Variants in OFD1 observed in about 807,000 individuals in gnomAD.
OFD1 encodes the protein centriole and centriolar satellite protein OFD1.
OFD1 carries 12 observed loss-of-function variants against 81.4 expected under a neutral mutation model. That is an observed-to-expected ratio of 0.15 (90% confidence interval 0.09 to 0.24). The LOEUF is 0.24. Among genes scored for constraint, OFD1 ranks in the 10% least tolerant of loss-of-function variants. OFD1 has a pLI of 1.00. For missense variants in OFD1, 685 were observed against 733.9 expected, an observed-to-expected ratio of 0.93 and a Z score of 0.77; for synonymous variants, 256 against 263.7, an observed-to-expected ratio of 0.97 and a Z score of 0.28.
intron 12 of OFD1, among the ~76,000 whole-genome samples, chrX:13,755,946 C>CTTTTTTTTTTT (rs34300430): frequency 3.1e-5 from 2 of 65,095 alleles, no homozygotes; most frequent in Non-Finnish European, 5.3e-5. Context: ...CTTTCTTTCC[C>CTTTTTTTTTTT]TTTTTTTTTT....
chrX:13,718,798 A>G, the OFD1 span, among the ~76,000 whole-genome samples: 7 of 112,046 alleles, frequency 6.2e-5, no homozygotes, highest in African/African-American at 2.3e-4. Flanking sequence ...GAAACATAGC[A>G]AACTTGTCAG....
the OFD1 span, among the ~76,000 whole-genome samples, chrX:13,718,130 A>T: frequency 1.8e-5 from 2 of 112,495 alleles, no homozygotes; most frequent in Admixed American, 1.9e-4. Flanking sequence ...CAGAACTGAG[A>T]CAATAAATTT....
At chrX:13,743,472 A>G (rs1027396288) in intron 5 of OFD1, among the ~76,000 whole-genome samples, 6 of 112,454 alleles carry the variant, frequency 5.3e-5, no homozygotes, top group African/African-American at 9.7e-5. Flanking sequence ...ATACCTGTGT[A>G]AATTCATAGA....
At chrX:13,764,596 A>G (rs929035126) in intron 19 of OFD1, among the ~76,000 whole-genome samples, 3 of 112,061 alleles carry the variant, frequency 2.7e-5, no homozygotes, top group Admixed American at 9.4e-5. Flanking sequence ...CTCAAATCTG[A>G]AAGGAATTTT....
chrX:13,751,858 TACAG>T (rs1448532260), intron 10 of OFD1, among the ~76,000 whole-genome samples: 1 of 112,023 alleles, frequency 8.9e-6, no homozygotes, highest in Non-Finnish European at 1.9e-5. Flanking sequence ...AATAAAAAAA[TACAG>T]AGAAGCACAT....
intron 10 of OFD1, chrX:13,752,591 C>A: frequency 1.6e-6 from 1 of 608,648 alleles, no homozygotes; most frequent in Non-Finnish European, 2.2e-6. Context: ...ACTAAAATAG[C>A]TAAAATGGAA....
chrX:13,770,794 AG>A (rs1358945640), downstream of OFD1, among the ~76,000 whole-genome samples: 5 of 112,394 alleles, frequency 4.4e-5, no homozygotes, highest in Admixed American at 2.8e-4. Flanking sequence ...TAATTGCTGA[AG>A]AGATTTTTGC....
chrX:13,736,231 C>T (rs748146927), intron 2 of OFD1: 1 of 970,112 alleles, frequency 1.0e-6, no homozygotes, highest in East Asian at 4.8e-5. Context: ...GCTAACCACC[C>T]GTTTCATTTG....
chrX:13,760,728 A>G lies in OFD1; in HGVS notation c.2260+8A>G, dbSNP rs768452237. On this transcript the variant is annotated splice_region_variant and intron_variant, in intron 16 of 22. Transcript: ENST00000340096. Reference sequence around the variant, plus strand: ...GTGAAATGTATCTGGAAGGTAAGCCACCCGCACAAAGGGTTGCGGGGTGCT... The same window carrying G: ...GTGAAATGTATCTGGAAGGTAAGCCGCCCGCACAAAGGGTTGCGGGGTGCT... 1.1e-4 allele frequency: 129 copies of G among 1,209,244 alleles called. No individual in the cohort carries two copies. The Middle Eastern group carries it at 2.3e-3, about 22-fold the overall frequency.
At chrX:13,746,262 G>A (rs1348962324) in intron 6 of OFD1, 57 bp from the exon 7 acceptor site, 8 of 1,117,292 alleles carry the variant, frequency 7.2e-6, no homozygotes, top group Admixed American at 4.4e-5. Flanking sequence ...GAGGTCTGGC[G>A]TCTTACGCAC....
chrX:13,746,604 CATTT>C, intron 7 of OFD1, 149 bp downstream of exon 7: 2 of 766,224 alleles, frequency 2.6e-6, no homozygotes, highest in Non-Finnish European at 3.8e-6. Context: ...TTTCTGGTGA[CATTT>C]GTTTATGCCT....
At chrX:13,761,831 G>C (rs1179371740) in intron 17 of OFD1, among the ~76,000 whole-genome samples, 1 of 107,947 alleles carries the variant, frequency 9.3e-6, no homozygotes, top group East Asian at 3.0e-4. Context: ...TGACTCCTTA[G>C]CTCCAGGCTC....
rs761124051 is a variant in OFD1, at chrX:13,768,830, CTTATT to C, written c.2996+48_2996+52del. ...ACTTTCATACACAAACTGTTAATTG[CTTATT>C]TTGTCAGCCAAGAGAAACAGATGTT... On this transcript the variant is annotated intron_variant, in intron 22 of 22. Coordinates refer to ENST00000340096, the MANE Select transcript of OFD1 (RefSeq NM_003611.3). 1.7e-5 allele frequency: 18 copies of C among 1,055,815 alleles called. No individual in the cohort carries two copies. In the African/African-American group the frequency reaches 2.0e-4, roughly 12 times the overall value. 87.0% of individuals were successfully genotyped at this position (1,055,815 alleles called of 1,213,427 possible).
upstream of OFD1, chrX:13,733,931 A>G: frequency 8.1e-6 from 4 of 494,234 alleles, no homozygotes; most frequent in Middle Eastern, 3.2e-4. Context: ...CCAGTCTACA[A>G]TGTATCTTAG....
intron 5 of OFD1, among the ~76,000 whole-genome samples, chrX:13,742,364 G>A (rs2047138248): frequency 9.0e-6 from 1 of 111,502 alleles, no homozygotes; most frequent in Non-Finnish European, 1.9e-5. Context: ...AGACCTAAAT[G>A]TAAAATGCAA....
chrX:13,750,534 A>G (rs1602848556), intron 9 of OFD1, among the ~76,000 whole-genome samples: 1 of 112,405 alleles, frequency 8.9e-6, no homozygotes, highest in Admixed American at 9.4e-5. Context: ...AAGTCTCACT[A>G]TGAAGACCAT....
Position 13,755,407 on chromosome X carries a change from A to G in OFD1, c.1221+165A>G, listed in dbSNP as rs572933003. 4.4e-4 allele frequency among the ~76,000 whole-genome samples: 49 copies of G among 112,507 alleles called. 1 individual carries two copies. The South Asian group carries it at 0.016, about 38-fold the overall frequency. ...AATTCAATAGTTCTTAATTTCAGTC[A>G]GTGTCACATAGGAAAGTGTAGATAG... On this transcript the variant is annotated intron_variant, in intron 12 of 22. Coordinates refer to ENST00000340096, the MANE Select transcript of OFD1 (RefSeq NM_003611.3).
At chrX:13,759,198 T>G (rs2047830707) in intron 15 of OFD1, among the ~76,000 whole-genome samples, 1 of 112,097 alleles carries the variant, frequency 8.9e-6, no homozygotes, top group South Asian at 3.7e-4. Flanking sequence ...GTCTGAGCCT[T>G]CCTTGTTCCC....
chrX:13,722,208 C>CAG, the OFD1 span: 1 of 36,116 alleles, frequency 2.8e-5, no homozygotes, highest in African/African-American at 1.2e-4. Flanking sequence ...TAAGCAGCAG[C>CAG]AAAAAAAAAA....
Sources: allele counts gnomAD v4.1 joint callset (sites outside exome capture counted in the v4.1 genomes callset), GRCh38; gene constraint gnomAD v4.1.1; transcripts MANE v1.5; gene names NCBI Gene and HGNC (gene_info 2026-07-23, HGNC 2026-07-21).